Variants in SYNPR observed in about 807,000 individuals in gnomAD.
SYNPR encodes synaptoporin.
In SYNPR, 23 loss-of-function variants were observed where a neutral mutation model predicts 32.9. The ratio of observed to expected loss-of-function variants is 0.70; its 90% CI spans 0.50 to 0.99. The LOEUF (loss-of-function observed/expected upper bound fraction) is 0.99. Among genes scored for constraint, SYNPR ranks in the 50% least tolerant of loss-of-function variants. The pLI, the probability that SYNPR is intolerant of heterozygous loss-of-function variation, is 0.00. For missense variants in SYNPR, 318 were observed against 349.3 expected, an observed-to-expected ratio of 0.91 and a Z score of 0.71; for synonymous variants, 146 against 135.9, an observed-to-expected ratio of 1.07 and a Z score of -0.52.
At chr3:63,527,740 C>T (rs922313985) in intron 3 of SYNPR, among the ~76,000 whole-genome samples, 2 of 152,294 alleles carry the variant, frequency 1.3e-5, no homozygotes, top group Non-Finnish European at 2.9e-5. Flanking sequence ...AGCCCAGCAA[C>T]CCCCTGATGG....
upstream of SYNPR, among the ~76,000 whole-genome samples, chr3:63,227,762 T>A (rs934418565): frequency 3.3e-5 from 5 of 152,180 alleles, no homozygotes; most frequent in Non-Finnish European, 7.3e-5. Context: ...ATTTCTTTTT[T>A]AAATAGCATT....
intron 1 of SYNPR, among the ~76,000 whole-genome samples, chr3:63,250,023 C>G (rs1434993211): frequency 2.0e-5 from 3 of 151,970 alleles, no homozygotes; most frequent in Non-Finnish European, 2.9e-5. Context: ...TTCCCTGGCC[C>G]AGAAGGGTAA....
chr3:63,558,780 C>G (rs1702634629), intron 4 of SYNPR, among the ~76,000 whole-genome samples: 1 of 151,278 alleles, frequency 6.6e-6, no homozygotes, highest in Admixed American at 6.6e-5. Flanking sequence ...AATAATTAAA[C>G]AGTTAATTTA....
At chr3:63,449,625 C>T (rs1434690230) in intron 2 of SYNPR, among the ~76,000 whole-genome samples, 1 of 152,146 alleles carries the variant, frequency 6.6e-6, no homozygotes, top group Non-Finnish European at 1.5e-5. Context: ...TGACCAAATC[C>T]TCCCACCATA....
chr3:63,246,826 A>G (rs2086294847), intron 1 of SYNPR, among the ~76,000 whole-genome samples: 1 of 152,046 alleles, frequency 6.6e-6, no homozygotes, highest in Non-Finnish European at 1.5e-5. Context: ...GATTTTATAT[A>G]TTACCAATTT....
At chr3:63,388,555 T>TG (rs1176509264) in intron 2 of SYNPR, among the ~76,000 whole-genome samples, 19 of 110,522 alleles carry the variant, frequency 1.7e-4, no homozygotes, top group Admixed American at 5.1e-4. Context: ...ACCCGGCTAA[T>TG]TTGTGTGTGT....
At position 63,373,594 on chromosome 3, in the gene SYNPR, A is replaced by G. The variant is rs546218849; in HGVS notation, c.84+94852A>G. Among the ~76,000 whole-genome samples, 54 of 152,324 alleles carry G rather than the reference A, an allele frequency of 3.5e-4. 1 individual carries two copies. The South Asian group carries it at 0.011, about 31-fold the overall frequency. ...TGATGGGATTACGTAAAAAGATCAA[A>G]TTTATGACTCATTGGTAACGTTGAA... is the stretch of plus-strand genomic sequence containing the variant. On this transcript the variant is annotated intron_variant, in intron 2 of 5. Transcript: ENST00000478300.
intron 3 of SYNPR, among the ~76,000 whole-genome samples, chr3:63,544,965 C>T (rs1461681319): frequency 1.3e-5 from 2 of 151,436 alleles, no homozygotes; most frequent in African/African-American, 4.9e-5. Context: ...ACACATGAGA[C>T]TCGTCCAAGG....
At chr3:63,276,936 A>T (rs993195772), upstream of SYNPR, among the ~76,000 whole-genome samples, 2 of 151,050 alleles carry the variant, frequency 1.3e-5, no homozygotes, top group African/African-American at 4.9e-5. Flanking sequence ...ACACCCATGA[A>T]CTCCAAACCT....
At chr3:63,324,432 TG>T (rs539309474) in intron 2 of SYNPR, among the ~76,000 whole-genome samples, 3 of 152,086 alleles carry the variant, frequency 2.0e-5, no homozygotes, top group Non-Finnish European at 4.4e-5. Context: ...GTTTGTGAGC[TG>T]GGAGGTGACA....
At chr3:63,591,789 C>T (rs1190419395) in intron 4 of SYNPR, among the ~76,000 whole-genome samples, 4 of 108,908 alleles carry the variant, frequency 3.7e-5, no homozygotes, top group African/African-American at 1.5e-4. Flanking sequence ...GGGAATATCA[C>T]ACTCTGGGGA....
intron 2 of SYNPR, among the ~76,000 whole-genome samples, chr3:63,297,955 T>C (rs1210720653): frequency 1.3e-5 from 2 of 152,126 alleles, no homozygotes; most frequent in African/African-American, 2.4e-5. Context: ...AATTTGGTAA[T>C]GGCAGGAAAG....
chr3:63,342,771 A>G (rs982143393), intron 2 of SYNPR, among the ~76,000 whole-genome samples: 4 of 152,170 alleles, frequency 2.6e-5, no homozygotes, highest in African/African-American at 9.7e-5. Context: ...GAGCTCTTTA[A>G]TTATAAATTC....
chr3:63,384,223 A>G (rs2088012106), intron 2 of SYNPR, among the ~76,000 whole-genome samples: 1 of 152,246 alleles, frequency 6.6e-6, no homozygotes, highest in Non-Finnish European at 1.5e-5. Flanking sequence ...TAAACATTTT[A>G]TTGCAACACT....
chr3:63,520,471 G>A (rs144782734), intron 3 of SYNPR, among the ~76,000 whole-genome samples: 14,575 of 152,080 alleles, frequency 0.096, 968 homozygotes, highest in Middle Eastern at 0.22. Context: ...TCAGGAGTTC[G>A]AGACCAGCCT....
At chr3:63,497,897 T>C (rs1701402877) in intron 3 of SYNPR, among the ~76,000 whole-genome samples, 2 of 152,156 alleles carry the variant, frequency 1.3e-5, no homozygotes, top group Admixed American at 6.5e-5. Flanking sequence ...GTTTTAAAAA[T>C]CACTTCAATT....
intron 2 of SYNPR, among the ~76,000 whole-genome samples, chr3:63,324,809 G>T (rs2087149018): frequency 6.6e-6 from 1 of 152,094 alleles, no homozygotes; most frequent in African/African-American, 2.4e-5. Context: ...ACACTGGGTT[G>T]CAGCTGCAGC....
At chr3:63,228,250 T>C (rs1160335094), upstream of SYNPR, 1 of 152,184 alleles carries the variant, frequency 6.6e-6, no homozygotes, top group East Asian at 1.9e-4. Flanking sequence ...TGCTTAAGAA[T>C]CTATCTACCA....
At chr3:63,411,983 C>A (rs1373623381) in intron 2 of SYNPR, among the ~76,000 whole-genome samples, 1 of 151,936 alleles carries the variant, frequency 6.6e-6, no homozygotes. Context: ...ACTAAGGAGA[C>A]AATTGTGATA....
Sources: gnomAD v4.1 joint callset for allele counts (sites outside exome capture counted in the v4.1 genomes callset) on GRCh38, gnomAD v4.1.1 for gene constraint, MANE v1.5 for transcripts, NCBI Gene and HGNC (gene_info 2026-07-23, HGNC 2026-07-21) for gene names.